Variants in PUS7 observed in about 807,000 individuals in gnomAD.
PUS7 encodes pseudouridylate synthase 7 homolog.
A neutral mutation model predicts 79.8 loss-of-function variants in PUS7; 48 were observed. The ratio of observed to expected loss-of-function variants is 0.60; its 90% confidence interval spans 0.48 to 0.76. The LOEUF (loss-of-function observed/expected upper bound fraction) is 0.76, where lower values mean the gene tolerates loss of function less well. Among genes scored for constraint, PUS7 ranks in the 30% least tolerant of loss-of-function variants. The pLI is 0.00. For missense variants in PUS7, 729 were observed against 797.6 expected (o/e 0.91, Z 1.04); for synonymous variants, 286 against 272.2 (o/e 1.05, Z -0.50).
chr7:105,472,942 T>A (rs1471508657), intron 9 of PUS7, among the ~76,000 whole-genome samples: 1 of 147,382 alleles, frequency 6.8e-6, no homozygotes, highest in Non-Finnish European at 1.5e-5. Context: ...TTTTTTTTTT[T>A]AGTAGAGATG....
chr7:105,497,784 A>G (rs76807346), intron 5 of PUS7, among the ~76,000 whole-genome samples: 1 of 152,112 alleles, frequency 6.6e-6, no homozygotes, highest in Admixed American at 6.6e-5. Context: ...CTCCAGCAAG[A>G]AAAAAAAGGA....
intron 12 of PUS7, among the ~76,000 whole-genome samples, chr7:105,467,097 C>T (rs1823680755): frequency 1.5e-5 from 2 of 135,516 alleles, no homozygotes; most frequent in Admixed American, 8.1e-5. Context: ...GTGACTAAAC[C>T]TCACCTGAAA....
chr7:105,486,289 G>C (rs1263899645), intron 7 of PUS7, among the ~76,000 whole-genome samples: 1 of 150,920 alleles, frequency 6.6e-6, no homozygotes, highest in African/African-American at 2.4e-5. Context: ...CTGACCTCAA[G>C]TAATCTGCCC....
intron 1 of PUS7, among the ~76,000 whole-genome samples, chr7:105,511,280 G>A (rs983028547): frequency 2.0e-5 from 3 of 150,618 alleles, no homozygotes; most frequent in African/African-American, 7.3e-5. Flanking sequence ...TGATTTGCCC[G>A]CCTCGGCCTC....
chr7:105,505,590 C>T (rs1322080584), intron 4 of PUS7, among the ~76,000 whole-genome samples: 3 of 152,082 alleles, frequency 2.0e-5, no homozygotes, highest in Admixed American at 6.6e-5. Flanking sequence ...CATTTGTGGT[C>T]CCTAAATTTT....
rs915412444 is a variant in PUS7, at chr7:105,462,737, G to A, written c.1641C>T (p.Tyr547=). The A allele has an allele frequency of 1.2e-6, 2 of 1,611,764 alleles. No individual in the cohort carries two copies. The highest frequency in any genetic ancestry group is 1.7e-4 in the Middle Eastern group (1 of 6,058). Residue 547 remains tyrosine, a synonymous_variant, in exon 14 of 16, where the codon TAC becomes TAT. Coordinates refer to ENST00000469408, the MANE Select transcript of PUS7 (RefSeq NM_019042.5). ...IYPKHKIQEA[Y]REMLTADNLD... is the part of the protein sequence containing the mutation. ...GATTGTCAGCTGTGAGCATTTCCCT[G>A]TAGGCTTCTTGAACTAATATAAAAT...
chr7:105,458,300 G>C (rs979966792), intron 15 of PUS7, among the ~76,000 whole-genome samples: 15 of 151,994 alleles, frequency 9.9e-5, no homozygotes, highest in African/African-American at 3.6e-4. Context: ...TTGTTATGTT[G>C]CCCAGACTGG....
intron 1 of PUS7, among the ~76,000 whole-genome samples, chr7:105,520,334 C>G (rs1035802129): frequency 4.0e-5 from 6 of 151,886 alleles, no homozygotes; most frequent in African/African-American, 1.2e-4. Context: ...TGGCGGGCGC[C>G]TGTAGTCCCA....
At chr7:105,482,594 G>A (rs1824370909) in intron 7 of PUS7, among the ~76,000 whole-genome samples, 154 bp from the exon 8 acceptor site, 1 of 152,136 alleles carries the variant, frequency 6.6e-6, no homozygotes, top group African/African-American at 2.4e-5. Flanking sequence ...AGGTGGGCGT[G>A]TCCTTCTCTT....
rs1229189031 is a variant in PUS7, at chr7:105,472,126, T to G, written c.1237+6A>C. ...TTTATTTTCTTAACATGAATTTTAT[T>G]CTCACCTCCAGAGCGGGGTTTCAAT... On this transcript the variant is annotated splice_donor_region_variant and intron_variant, in intron 10 of 15. Transcript: ENST00000469408. The G allele has an allele frequency of 6.3e-7, 1 of 1,581,572 alleles. No individual in the cohort carries two copies. Among genetic ancestry groups the G allele is most frequent in the Admixed American group, 1.7e-5 (1 of 58,872 alleles).
intron 7 of PUS7, among the ~76,000 whole-genome samples, chr7:105,484,379 C>T (rs972964417): frequency 6.6e-6 from 1 of 151,994 alleles, no homozygotes; most frequent in Non-Finnish European, 1.5e-5. Flanking sequence ...CTTTAGGAGG[C>T]CTAGATGGGC....
chr7:105,505,548 C>A (rs531262173), intron 4 of PUS7, among the ~76,000 whole-genome samples: 17 of 152,218 alleles, frequency 1.1e-4, no homozygotes, highest in African/African-American at 4.1e-4. Flanking sequence ...ATAATTGGTA[C>A]TCTGGGATTC....
At chr7:105,503,137 T>C (rs1562814265) in intron 4 of PUS7, among the ~76,000 whole-genome samples, 1 of 152,174 alleles carries the variant, frequency 6.6e-6, no homozygotes, top group Non-Finnish European at 1.5e-5. Flanking sequence ...CATAACACCA[T>C]TATATCTATT....
At chr7:105,499,491 T>C (rs944910021) in intron 5 of PUS7, among the ~76,000 whole-genome samples, 5 of 152,208 alleles carry the variant, frequency 3.3e-5, no homozygotes, top group Admixed American at 6.5e-5. Flanking sequence ...GCATTTGGAA[T>C]GTATACTGTC....
intron 11 of PUS7, among the ~76,000 whole-genome samples, chr7:105,469,434 G>A (rs1335373138): frequency 1.3e-5 from 2 of 151,884 alleles, no homozygotes; most frequent in Admixed American, 6.6e-5. Flanking sequence ...GAGGCTATAG[G>A]TGCGCACCAC....
chr7:105,522,246 G>GCGCAGCGACGCGC lies in PUS7; in HGVS notation c.-240_-228dup, dbSNP rs1234243820. 28 of 151,634 alleles carry GCGCAGCGACGCGC rather than the reference G, an allele frequency of 1.8e-4. No homozygotes were observed. Among genetic ancestry groups the GCGCAGCGACGCGC allele is most frequent in the Non-Finnish European group, 3.5e-4 (24 of 67,852 alleles). The allele number at this position is 151,634 out of a possible 1,614,324, so 9.4% of individuals were successfully genotyped here. On this transcript the variant is annotated 5_prime_UTR_variant, in exon 1 of 16. Transcript: ENST00000469408. ...CGGCGGCCGGGCTCGCACACGTGCGGCGCAGCGACGCGCCGCGGCCCGACT... is the reference window on the plus strand; with the variant it reads ...CGGCGGCCGGGCTCGCACACGTGCGGCGCAGCGACGCGCCGCAGCGACGCGCCGCGGCCCGACT...
At chr7:105,496,735 T>C (rs1337090982) in intron 5 of PUS7, among the ~76,000 whole-genome samples, 1 of 147,512 alleles carries the variant, frequency 6.8e-6, no homozygotes, top group Non-Finnish European at 1.5e-5. Context: ...TTGATAAATA[T>C]GTGAGTTTTT....
At position 105,462,619 on chromosome 7, in the gene PUS7, A is replaced by G. The variant is rs1823477547; in HGVS notation, c.1757+2T>C. On this transcript the variant is annotated splice_donor_variant, in intron 14 of 15. Transcript: ENST00000469408. LOFTEE classifies it high-confidence loss of function. ...TCTATCTCATTCTAGATGATTACTC[A>G]CCAGCTAACATTCTGAGGACGAATA... The G allele has an allele frequency of 6.2e-7, 1 of 1,613,438 alleles. No individual in the cohort carries two copies. The highest frequency in any genetic ancestry group is 8.5e-7 in the Non-Finnish European group (1 of 1,179,880).
chr7:105,461,130 A>G (rs73188401), intron 14 of PUS7, among the ~76,000 whole-genome samples: 4,585 of 152,242 alleles, frequency 0.03, 109 homozygotes, highest in Non-Finnish European at 0.042. Context: ...GGCTTCCAAT[A>G]AAGTATTTTT....
Sources: gnomAD v4.1 joint callset for allele counts (sites outside exome capture counted in the v4.1 genomes callset) on GRCh38, gnomAD v4.1.1 for gene constraint, MANE v1.5 for transcripts, NCBI Gene and HGNC (gene_info 2026-07-23, HGNC 2026-07-21) for gene names.